The following CNTNAP2 variants were observed in gnomAD, a reference collection of about 807,000 sequenced individuals.
CNTNAP2 encodes contactin-associated protein-like 2.
A neutral mutation model predicts 155.2 loss-of-function variants in CNTNAP2; 98 were observed. The ratio of observed to expected loss-of-function variants is 0.63; its 90% confidence interval spans 0.54 to 0.75. The LOEUF (loss-of-function observed/expected upper bound fraction) is 0.75, where lower values mean the gene tolerates loss of function less well. Among genes scored for constraint, CNTNAP2 ranks in the 30% least tolerant of loss-of-function variants. The probability of loss-of-function intolerance (pLI) is 0.00; values close to 1 mark genes in which losing one functional copy is unlikely to be tolerated. For synonymous variants in CNTNAP2, 651 were observed against 631.2 expected, an observed-to-expected ratio of 1.03 and a Z score of -0.47; for missense variants, 1,727 against 1,688.1, an observed-to-expected ratio of 1.02 and a Z score of -0.40.
intron 1 of CNTNAP2, among the ~76,000 whole-genome samples, chr7:146,454,065 C>T (rs541278447): frequency 2.4e-4 from 37 of 152,160 alleles, no homozygotes; most frequent in African/African-American, 8.9e-4. Flanking sequence ...AGCTAAAGTA[C>T]ATCATTATCA....
At chr7:146,663,291 AAAAAAAAG>A (rs199771293) in intron 1 of CNTNAP2, among the ~76,000 whole-genome samples, 23,658 of 142,224 alleles carry the variant, frequency 0.17, 2,858 homozygotes, top group East Asian at 0.44. Context: ...AAAAAAAAAA[AAAAAAAAG>A]AAAGAAAGAA....
At chr7:148,239,534 C>T (rs1443137020) in intron 20 of CNTNAP2, among the ~76,000 whole-genome samples, 1 of 152,186 alleles carries the variant, frequency 6.6e-6, no homozygotes, top group Admixed American at 6.5e-5. Flanking sequence ...AGAGACACAT[C>T]AAAAACCTCA....
chr7:147,414,339 G>A (rs1027735568), intron 10 of CNTNAP2, among the ~76,000 whole-genome samples: 2 of 151,270 alleles, frequency 1.3e-5, no homozygotes, highest in African/African-American at 4.9e-5. Flanking sequence ...CAGGAGAATT[G>A]CTTGTACCTG....
At chr7:146,231,945 A>AT (rs767939863) in intron 1 of CNTNAP2, among the ~76,000 whole-genome samples, 37 of 152,080 alleles carry the variant, frequency 2.4e-4, no homozygotes, top group East Asian at 5.8e-4. Flanking sequence ...ATGCAAACAC[A>AT]TTTTTTTTCT....
chr7:148,342,388 A>AT (rs1798252357), intron 21 of CNTNAP2, among the ~76,000 whole-genome samples: 2 of 152,222 alleles, frequency 1.3e-5, no homozygotes, highest in African/African-American at 4.8e-5. Context: ...TTAAAAAAAA[A>AT]TGCCTTAATA....
At chr7:147,551,688 G>C (rs554311883) in intron 11 of CNTNAP2, among the ~76,000 whole-genome samples, 3 of 151,998 alleles carry the variant, frequency 2.0e-5, no homozygotes, top group African/African-American at 7.2e-5. Context: ...TTGCTGCATT[G>C]GTTTTAACAG....
At chr7:146,234,872 G>T (rs1799446001) in intron 1 of CNTNAP2, among the ~76,000 whole-genome samples, 2 of 152,208 alleles carry the variant, frequency 1.3e-5, no homozygotes, top group South Asian at 4.1e-4. Flanking sequence ...TAGCATATGA[G>T]TTGGGAAGTC....
chr7:147,962,433 T>C (rs1364032229), intron 14 of CNTNAP2, among the ~76,000 whole-genome samples: 6 of 152,194 alleles, frequency 3.9e-5, no homozygotes, highest in Admixed American at 3.9e-4. Context: ...TCTTGAACTA[T>C]TTCCTGTTAT....
chr7:147,286,536 T>C (rs1040690821), intron 8 of CNTNAP2, among the ~76,000 whole-genome samples: 5 of 151,864 alleles, frequency 3.3e-5, no homozygotes, highest in African/African-American at 1.2e-4. Flanking sequence ...ATAAATGAAA[T>C]GATAATATAT....
At chr7:146,878,229 G>A (rs536332822) in intron 3 of CNTNAP2, among the ~76,000 whole-genome samples, 29 of 152,158 alleles carry the variant, frequency 1.9e-4, no homozygotes, top group East Asian at 9.7e-4. Flanking sequence ...GCTGACTTCT[G>A]TCAGTGACAT....
intron 1 of CNTNAP2, among the ~76,000 whole-genome samples, chr7:146,665,704 C>A (rs1800178093): frequency 7.1e-6 from 1 of 141,632 alleles, no homozygotes; most frequent in African/African-American, 2.6e-5. Flanking sequence ...TCGCTTAAAC[C>A]CAGGAGGCGG....
intron 4 of CNTNAP2, among the ~76,000 whole-genome samples, chr7:147,094,133 A>G (rs1800473019): frequency 6.6e-6 from 1 of 152,146 alleles, no homozygotes; most frequent in African/African-American, 2.4e-5. Context: ...ACATTGCCCT[A>G]GAAGGGACTC....
chr7:148,401,975 C>G (rs1326441776), intron 22 of CNTNAP2, among the ~76,000 whole-genome samples: 3 of 152,132 alleles, frequency 2.0e-5, no homozygotes. Context: ...ACTCTGAGAG[C>G]ATTAAGAAAT....
intron 8 of CNTNAP2, among the ~76,000 whole-genome samples, chr7:147,257,535 T>G (rs1407687937): frequency 2.6e-5 from 4 of 152,198 alleles, no homozygotes; most frequent in Non-Finnish European, 4.4e-5. Context: ...AAACATTCCT[T>G]AGGCACAAAA....
chr7:146,301,594 C>T (rs952674575), intron 1 of CNTNAP2, among the ~76,000 whole-genome samples: 1 of 151,956 alleles, frequency 6.6e-6, no homozygotes, highest in Non-Finnish European at 1.5e-5. Context: ...CCACTGCACT[C>T]CAGCCTGGGT....
chr7:148,225,485 G>A (rs1795828251), intron 19 of CNTNAP2, among the ~76,000 whole-genome samples: 1 of 152,162 alleles, frequency 6.6e-6, no homozygotes, highest in Non-Finnish European at 1.5e-5. Context: ...GCAAGGAGGA[G>A]AGTAACAGGA....
intron 13 of CNTNAP2, among the ~76,000 whole-genome samples, chr7:147,868,401 C>G (rs1188792183): frequency 6.6e-6 from 1 of 152,192 alleles, no homozygotes; most frequent in Non-Finnish European, 1.5e-5. Context: ...TGGGAGGTGT[C>G]TCCCAGTTAG....
At chr7:147,015,356 A>C (rs772521471) in intron 3 of CNTNAP2, among the ~76,000 whole-genome samples, 2 of 152,036 alleles carry the variant, frequency 1.3e-5, no homozygotes, top group Non-Finnish European at 2.9e-5. Context: ...ATTTTTAGTT[A>C]TATTGTATTG....
chr7:148,219,197 C>T (rs1015941612), intron 19 of CNTNAP2, among the ~76,000 whole-genome samples: 1 of 152,064 alleles, frequency 6.6e-6, no homozygotes, highest in African/African-American at 2.4e-5. Flanking sequence ...GCCTTGGCCT[C>T]CCAAAGTGCT....
Sources: allele counts gnomAD v4.1 joint callset (sites outside exome capture counted in the v4.1 genomes callset), GRCh38; gene constraint gnomAD v4.1.1; transcripts MANE v1.5; gene names NCBI Gene and HGNC (gene_info 2026-07-23, HGNC 2026-07-21).